FAM168A: variants seen among roughly 807,000 people sequenced by gnomAD.
FAM168A encodes the protein family with sequence similarity 168 member A, also known as protein FAM168A.
FAM168A carries 3 observed loss-of-function variants against 28.5 expected under a neutral mutation model. The observed-to-expected ratio is 0.11, with a 90% CI of 0.05 to 0.27. FAM168A has a LOEUF of 0.27. FAM168A is among the 10% of genes least tolerant of loss of function. The pLI is 1.00. For synonymous variants in FAM168A, 122 were observed against 124.2 expected, an observed-to-expected ratio of 0.98 and a Z score of 0.12; for missense variants, 222 against 311.5, an observed-to-expected ratio of 0.71 and a Z score of 2.16.
At chr11:73,546,910 G>A (rs937587600) in intron 1 of FAM168A, among the ~76,000 whole-genome samples, 2 of 151,776 alleles carry the variant, frequency 1.3e-5, no homozygotes, top group African/African-American at 4.8e-5. Context: ...AACAAAAACT[G>A]CATATGAAAA....
chr11:73,540,558 G>A (rs1943641157), intron 1 of FAM168A, among the ~76,000 whole-genome samples: 1 of 151,984 alleles, frequency 6.6e-6, no homozygotes, highest in African/African-American at 2.4e-5. Context: ...AATGCACCTG[G>A]CTCATTCCTA....
At chr11:73,408,838 A>G (rs1866555696) in intron 6 of FAM168A, among the ~76,000 whole-genome samples, 1 of 151,198 alleles carries the variant, frequency 6.6e-6, no homozygotes, top group Non-Finnish European at 1.5e-5. Flanking sequence ...GTCATCCCTC[A>G]TAATTATTAT....
rs188534985 is a variant in FAM168A at position 73,401,314 on chromosome 11, G to A, written c.*5449C>T. On this transcript the variant is annotated 3_prime_UTR_variant, in exon 8 of 8. Coordinates refer to ENST00000356467, the MANE Select transcript of FAM168A (RefSeq NM_015159.3). ...TGCCTTTAAGTCAGGATGGGGACAG[G>A]CCCTTGGGCCTTTCAAGATTATTAC... 16 of 152,246 alleles carry A rather than the reference G, an allele frequency of 1.1e-4. No individual in the cohort carries two copies. The East Asian group carries it at 3.1e-3, about 29-fold the overall frequency. The allele number at this position is 152,246 out of a possible 1,614,324, so 9.4% of individuals were successfully genotyped here. A position where few individuals can be genotyped will look rare whatever the true frequency, so the allele number is the denominator to read the frequency against.
At chr11:73,577,642 T>G (rs1944192228) in intron 1 of FAM168A, among the ~76,000 whole-genome samples, 1 of 152,130 alleles carries the variant, frequency 6.6e-6, no homozygotes. Context: ...CCACCACCAC[T>G]TCACACTGAG....
chr11:73,588,517 C>A (rs1219997938), intron 1 of FAM168A, among the ~76,000 whole-genome samples: 3 of 152,044 alleles, frequency 2.0e-5, no homozygotes, highest in Non-Finnish European at 4.4e-5. Context: ...ACAGTGAAAT[C>A]CCGTCTCTAT....
At chr11:73,460,542 T>C (rs1003880195) in intron 2 of FAM168A, among the ~76,000 whole-genome samples, 15 of 150,256 alleles carry the variant, frequency 1.0e-4, no homozygotes, top group African/African-American at 3.2e-4. Context: ...CTCACTCTAT[T>C]GCCCAGGCTG....
intron 1 of FAM168A, among the ~76,000 whole-genome samples, chr11:73,516,175 G>A (rs1272134265): frequency 1.3e-5 from 2 of 151,966 alleles, no homozygotes; most frequent in East Asian, 1.9e-4. Flanking sequence ...GCTCTTTGGG[G>A]GAACATCTGG....
intron 1 of FAM168A, among the ~76,000 whole-genome samples, chr11:73,552,516 T>A (rs968652035): frequency 6.6e-6 from 1 of 152,234 alleles, no homozygotes; most frequent in African/African-American, 2.4e-5. Context: ...TTAGTTGTGG[T>A]GGTTGCTACT....
intron 2 of FAM168A, among the ~76,000 whole-genome samples, chr11:73,442,148 C>G (rs1447210037): frequency 8.7e-5 from 12 of 137,462 alleles, no homozygotes; most frequent in Non-Finnish European, 1.7e-4. Flanking sequence ...TTTTTTGAGA[C>G]GGAGTCTCAC....
chr11:73,400,808 A>G lies in FAM168A; in HGVS notation c.*5955T>C, dbSNP rs1455261317. On this transcript the variant is annotated 3_prime_UTR_variant, in exon 8 of 8. Coordinates refer to ENST00000356467, the MANE Select transcript of FAM168A (RefSeq NM_015159.3). ...ACCTAAGACTTTTTTTTGGGGGGGA[A>G]TTTTTTTTTTTAATAGTTATTGAGT... 1 of 149,120 alleles carries G rather than the reference A, an allele frequency of 6.7e-6. No individual in the cohort carries two copies. The highest frequency in any genetic ancestry group is 1.9e-4 in the East Asian group (1 of 5,134). 9.2% of individuals were successfully genotyped at this position (149,120 alleles called of 1,614,324 possible). A position where few individuals can be genotyped will look rare whatever the true frequency, so the allele number is the denominator to read the frequency against.
chr11:73,503,088 T>C (rs1012161471), intron 1 of FAM168A, among the ~76,000 whole-genome samples: 6 of 152,114 alleles, frequency 3.9e-5, no homozygotes, highest in African/African-American at 1.4e-4. Context: ...TAAAAACCAG[T>C]ACAGGACAAG....
intron 2 of FAM168A, among the ~76,000 whole-genome samples, chr11:73,450,210 A>T (rs1298234865): frequency 6.6e-6 from 1 of 152,220 alleles, no homozygotes; most frequent in Non-Finnish European, 1.5e-5. Context: ...GTGACATTTG[A>T]CACATAACCT....
chr11:73,428,540 T>C (rs112422421), intron 3 of FAM168A, among the ~76,000 whole-genome samples: 2,729 of 152,300 alleles, frequency 0.018, 82 homozygotes, highest in African/African-American at 0.061. Context: ...ACTTGACCTT[T>C]TGCAACAACT....
At chr11:73,499,149 C>G (rs769883140) in intron 1 of FAM168A, among the ~76,000 whole-genome samples, 26 of 152,158 alleles carry the variant, frequency 1.7e-4, no homozygotes, top group Admixed American at 2.0e-4. Flanking sequence ...GAAGAAGGAG[C>G]AGGAACCCAT....
chr11:73,419,775 C>T, intron 4 of FAM168A, 99 bp downstream of exon 4: 1 of 1,442,722 alleles, frequency 6.9e-7, no homozygotes, highest in Non-Finnish European at 9.4e-7. Context: ...CATTATTTAT[C>T]TCATAAATGT....
Position 73,411,496 on chromosome 11 carries a change from C to A in FAM168A, c.318G>T (p.Gln106His), listed in dbSNP as rs998866608. ...AGTAGGGGGGTGGAGCAGTGTTACT[C>A]TGGGTCGGTGGGACCTTGTATGGTG... ...AGTPYKVPPT[Q>H]SNTAPPPYSP... The change falls in exon 5 of 8, where the codon CAG (glutamine) becomes CAT (histidine). Residue 106 changes from glutamine to histidine, a missense_variant. Transcript: ENST00000356467. 1 of 1,614,020 alleles carries A rather than the reference C, an allele frequency of 6.2e-7. No individual in the cohort carries two copies. Among genetic ancestry groups the A allele is most frequent in the African/African-American group, 1.3e-5 (1 of 75,018 alleles).
intron 1 of FAM168A, among the ~76,000 whole-genome samples, chr11:73,558,260 C>T (rs768657456): frequency 1.4e-4 from 22 of 152,114 alleles, no homozygotes; most frequent in Non-Finnish European, 3.2e-4. Context: ...GGTAGGAATT[C>T]AACATCAGCT....
intron 1 of FAM168A, among the ~76,000 whole-genome samples, chr11:73,586,538 C>G (rs1008331449): frequency 2.0e-5 from 3 of 152,172 alleles, no homozygotes; most frequent in Non-Finnish European, 4.4e-5. Flanking sequence ...AATGTCGGTA[C>G]ACAATGAATG....
intron 1 of FAM168A, among the ~76,000 whole-genome samples, chr11:73,544,853 AAT>A (rs1491296517): frequency 2.2e-5 from 2 of 90,660 alleles, no homozygotes; most frequent in African/African-American, 7.3e-5. Flanking sequence ...TTAAATATAT[AAT>A]ATATAATATA....
Sources: gnomAD v4.1 joint callset for allele counts (sites outside exome capture counted in the v4.1 genomes callset) on GRCh38, gnomAD v4.1.1 for gene constraint, MANE v1.5 for transcripts, NCBI Gene and HGNC (gene_info 2026-07-23, HGNC 2026-07-21) for gene names.